Variants in OLFM3 observed in about 807,000 individuals in gnomAD.
OLFM3 encodes the protein noelin-3.
OLFM3 carries 20 observed loss-of-function variants against 48.6 expected under a neutral mutation model. The observed-to-expected ratio is 0.41, with a 90% CI of 0.29 to 0.60. OLFM3 has a LOEUF of 0.60. OLFM3 is among the 20% of genes least tolerant of loss of function. The pLI, the probability that OLFM3 is intolerant of heterozygous loss-of-function variation, is 0.28. For synonymous variants in OLFM3, 222 were observed against 198.1 expected (o/e 1.12, Z -1.01); for missense variants, 437 against 544.3 (o/e 0.80, Z 1.96).
At chr1:101,810,822 A>C (rs951902524) in intron 4 of OLFM3, among the ~76,000 whole-genome samples, 3 of 151,722 alleles carry the variant, frequency 2.0e-5, no homozygotes, top group Non-Finnish European at 4.4e-5. Context: ...TTATATTATG[A>C]ATTATAATAT....
In OLFM3 at chr1:101,803,471, ATGTCAGG is replaced by A. The variant is rs1226604400; in HGVS notation, c.*760_*766del. ...AAACTTGGGGTAAAATAAAGACTCTATGTCAGGTGTCTGGTTTGGTTTTCATTTTAGT... is the reference window on the plus strand; with the variant it reads ...AAACTTGGGGTAAAATAAAGACTCTATGTCTGGTTTGGTTTTCATTTTAGT... On this transcript the variant is annotated 3_prime_UTR_variant, in exon 6 of 6. Coordinates refer to ENST00000370103, the MANE Select transcript of OLFM3 (RefSeq NM_058170.4). 1 of 152,122 alleles carries A rather than the reference ATGTCAGG, an allele frequency of 6.6e-6. No individual in the cohort carries two copies. Among genetic ancestry groups the A allele is most frequent in the Admixed American group, 6.6e-5 (1 of 15,176 alleles). 9.4% of individuals were successfully genotyped at this position (152,122 alleles called of 1,614,324 possible). A position where few individuals can be genotyped will look rare whatever the true frequency, so the allele number is the denominator to read the frequency against.
chr1:101,843,977 G>T (rs141605176), intron 1 of OLFM3, among the ~76,000 whole-genome samples: 2 of 152,270 alleles, frequency 1.3e-5, no homozygotes, highest in East Asian at 1.9e-4. Context: ...TTTAAAGTGA[G>T]AACATGGAGT....
At chr1:101,887,870 A>G (rs998210384) in intron 1 of OLFM3, among the ~76,000 whole-genome samples, 2 of 152,084 alleles carry the variant, frequency 1.3e-5, no homozygotes, top group African/African-American at 2.4e-5. Context: ...TCTCATGCTT[A>G]CATTTGCATT....
At chr1:101,883,802 T>C (rs1570594709) in intron 1 of OLFM3, among the ~76,000 whole-genome samples, 3 of 152,010 alleles carry the variant, frequency 2.0e-5, no homozygotes, top group East Asian at 3.9e-4. Context: ...ACAGGTTACA[T>C]GTGTAAAAGA....
chr1:101,941,883 A>G (rs1209209861), intron 1 of OLFM3, among the ~76,000 whole-genome samples: 1 of 152,230 alleles, frequency 6.6e-6, no homozygotes, highest in Non-Finnish European at 1.5e-5. Context: ...GCTCTTAAAA[A>G]GATACCAGTA....
At position 101,804,175 on chromosome 1, in the gene OLFM3, G is replaced by C; in HGVS notation, c.*63C>G. ...AATAATAGTGAAGAAAAAAACGGAAGGGGTCTTATAGAGTTTATCACAAAT... is the reference window on the plus strand; with the variant it reads ...AATAATAGTGAAGAAAAAAACGGAACGGGTCTTATAGAGTTTATCACAAAT... On this transcript the variant is annotated 3_prime_UTR_variant, in exon 6 of 6. Coordinates refer to ENST00000370103, the MANE Select transcript of OLFM3 (RefSeq NM_058170.4). This position sits in a 1 kb window ranked among gnomAD's most constrained non-coding sequence, Gnocchi z 4.5. The C allele has an allele frequency of 8.2e-7, 1 of 1,226,562 alleles. No individual in the cohort carries two copies. The highest frequency in any genetic ancestry group is 1.1e-6 in the Non-Finnish European group (1 of 901,118). 76.0% of individuals were successfully genotyped at this position (1,226,562 alleles called of 1,614,324 possible).
chr1:101,867,768 G>C (rs1656912865), intron 1 of OLFM3, among the ~76,000 whole-genome samples: 1 of 152,134 alleles, frequency 6.6e-6, no homozygotes, highest in Non-Finnish European at 1.5e-5. Context: ...GCTTCATAAA[G>C]TCAGCATGAG....
At chr1:101,922,632 C>G (rs4908202) in intron 1 of OLFM3, among the ~76,000 whole-genome samples, 1 of 151,898 alleles carries the variant, frequency 6.6e-6, no homozygotes, top group East Asian at 1.9e-4. Context: ...TATGAATACC[C>G]GTCAGAAATC....
chr1:101,982,378 G>A (rs1050402019), intron 1 of OLFM3, among the ~76,000 whole-genome samples: 1 of 152,108 alleles, frequency 6.6e-6, no homozygotes. Context: ...ATCATCCATA[G>A]CTAGCTAGGT....
At chr1:101,855,073 A>G (rs921015239) in intron 1 of OLFM3, among the ~76,000 whole-genome samples, 1 of 152,120 alleles carries the variant, frequency 6.6e-6, no homozygotes, top group African/African-American at 2.4e-5. Context: ...AATTAACAAT[A>G]TAAAATTTAT....
At position 101,989,604 on chromosome 1, in the gene OLFM3, A is replaced by G. The variant is rs374915530; in HGVS notation, c.69+7144T>C. Among the ~76,000 whole-genome samples the G allele has an allele frequency of 5.3e-5, 8 of 152,044 alleles. No homozygotes were observed. In the East Asian group the frequency reaches 1.2e-3, roughly 22 times the overall value. On this transcript the variant is annotated intron_variant, in intron 1 of 5. Transcript: ENST00000370103. ...CCTTTTGTATTTTTTTTTACCCTTC[A>G]TATTATTTGCATGTTGAGTATAGAA...
At chr1:101,946,198 C>G (rs987100038) in intron 1 of OLFM3, among the ~76,000 whole-genome samples, 8 of 151,746 alleles carry the variant, frequency 5.3e-5, no homozygotes, top group Non-Finnish European at 1.2e-4. Flanking sequence ...AGACATTTCT[C>G]TAATCAGAAT....
chr1:101,862,498 A>G (rs562804126), intron 1 of OLFM3, among the ~76,000 whole-genome samples: 13 of 152,346 alleles, frequency 8.5e-5, no homozygotes, highest in Admixed American at 2.6e-4. Flanking sequence ...ATACCATAAT[A>G]AGACAGGATG....
intron 1 of OLFM3, among the ~76,000 whole-genome samples, chr1:101,963,159 T>A (rs1223570283): frequency 6.6e-6 from 1 of 152,192 alleles, no homozygotes; most frequent in Non-Finnish European, 1.5e-5. Context: ...GGTCGCCCTA[T>A]TGGGCAGGAC....
intron 1 of OLFM3, among the ~76,000 whole-genome samples, chr1:101,869,869 C>T (rs1417902689): frequency 6.6e-6 from 1 of 152,102 alleles, no homozygotes; most frequent in Non-Finnish European, 1.5e-5. Flanking sequence ...TCCCCTTCTG[C>T]CATGACTGTA....
chr1:101,991,016 A>AAAT lies in OLFM3; in HGVS notation c.69+5731_69+5732insATT, dbSNP rs1553186119. Reference sequence around the variant, plus strand: ...AAAAAAAAAAAAAAAAAAAAAAAAAAATATATATATATATATATATATATA... The same window carrying AAAT: ...AAAAAAAAAAAAAAAAAAAAAAAAAAAATATATATATATATATATATATATATA... On this transcript the variant is annotated intron_variant, in intron 1 of 5. Coordinates refer to ENST00000370103, the MANE Select transcript of OLFM3 (RefSeq NM_058170.4). Among the ~76,000 whole-genome samples, 26 of 32,224 alleles carry AAAT rather than the reference A, an allele frequency of 8.1e-4. 1 individual carries two copies. Among genetic ancestry groups the AAAT allele is most frequent in the East Asian group, 3.2e-3 (5 of 1,554 alleles). 21.1% of individuals were successfully genotyped at this position (32,224 alleles called of 152,430 possible).
At chr1:101,837,249 G>A (rs2100924691) in intron 1 of OLFM3, among the ~76,000 whole-genome samples, 1 of 152,050 alleles carries the variant, frequency 6.6e-6, no homozygotes, top group South Asian at 2.1e-4. Context: ...TTGTCTTCAG[G>A]TGCCATATTA....
At chr1:101,982,370 C>T (rs992821768) in intron 1 of OLFM3, among the ~76,000 whole-genome samples, 2 of 152,056 alleles carry the variant, frequency 1.3e-5, no homozygotes, top group East Asian at 1.9e-4. Flanking sequence ...ATAAATAGAT[C>T]ATCCATAGCT....
At chr1:101,995,428 T>C (rs943669327) in intron 1 of OLFM3, among the ~76,000 whole-genome samples, 5 of 152,160 alleles carry the variant, frequency 3.3e-5, no homozygotes, top group African/African-American at 1.2e-4. Flanking sequence ...ATATAAAATA[T>C]GCCTTTAAGA....
Sources: allele counts gnomAD v4.1 joint callset (sites outside exome capture counted in the v4.1 genomes callset), GRCh38; gene constraint gnomAD v4.1.1; non-coding constraint Gnocchi (gnomAD v3.1); transcripts MANE v1.5; gene names NCBI Gene and HGNC (gene_info 2026-07-23, HGNC 2026-07-21).